The following CLASP2 variants were observed in gnomAD, a reference collection of about 807,000 sequenced individuals.
CLASP2 encodes cytoplasmic linker associated protein 2.
A neutral mutation model predicts 194.4 loss-of-function variants in CLASP2; 47 were observed. The ratio of observed to expected loss-of-function variants is 0.24; its 90% confidence interval spans 0.19 to 0.31. The LOEUF is 0.31. CLASP2 is among the 10% of genes least tolerant of loss of function. CLASP2 has a pLI of 1.00. For missense variants in CLASP2, 1,445 were observed against 1,823.6 expected (o/e 0.79, Z 3.78); for synonymous variants, 619 against 633.5 (o/e 0.98, Z 0.34).
intron 12 of CLASP2, among the ~76,000 whole-genome samples, chr3:33,612,564 T>C (rs145588042): frequency 2.6e-5 from 4 of 152,318 alleles, no homozygotes; most frequent in Non-Finnish European, 5.9e-5. Context: ...AGAATTCAAG[T>C]AGAAGTTCCA....
At chr3:33,706,209 C>A (rs1198963050) in intron 1 of CLASP2, among the ~76,000 whole-genome samples, 1 of 152,072 alleles carries the variant, frequency 6.6e-6, no homozygotes, top group Non-Finnish European at 1.5e-5. Context: ...GATGGTGCCA[C>A]CGCACTCTAA....
At chr3:33,559,707 C>T (rs958661333) in intron 28 of CLASP2, among the ~76,000 whole-genome samples, 1 of 152,048 alleles carries the variant, frequency 6.6e-6, no homozygotes, top group African/African-American at 2.4e-5. Flanking sequence ...CCAGCGTGAC[C>T]AACATGGAGA....
intron 34 of CLASP2, among the ~76,000 whole-genome samples, chr3:33,518,410 A>T (rs2052025158): frequency 6.6e-6 from 1 of 152,256 alleles, no homozygotes; most frequent in Non-Finnish European, 1.5e-5. Context: ...ATGATCAAAT[A>T]CACTATAAAT....
chr3:33,625,679 T>A (rs2077920128), intron 10 of CLASP2, among the ~76,000 whole-genome samples: 1 of 152,156 alleles, frequency 6.6e-6, no homozygotes, highest in South Asian at 2.1e-4. Flanking sequence ...TTTGTTTTTT[T>A]ATTTTTTTTA....
intron 34 of CLASP2, among the ~76,000 whole-genome samples, chr3:33,530,683 C>A (rs1476634746): frequency 6.6e-6 from 1 of 152,106 alleles, no homozygotes; most frequent in Non-Finnish European, 1.5e-5. Flanking sequence ...TTTTTTAGCT[C>A]CATTTTAATC....
chr3:33,550,155 G>T (rs2059772346), intron 30 of CLASP2, among the ~76,000 whole-genome samples: 1 of 152,100 alleles, frequency 6.6e-6, no homozygotes, highest in Non-Finnish European at 1.5e-5. Flanking sequence ...TGTAATCCCA[G>T]CATTTTGGGA....
At chr3:33,671,477 AG>A (rs1171852956) in intron 6 of CLASP2, among the ~76,000 whole-genome samples, 1 of 152,206 alleles carries the variant, frequency 6.6e-6, no homozygotes, top group African/African-American at 2.4e-5. Context: ...ATGGCCGAAT[AG>A]GAACAGCTCT....
At chr3:33,506,370 T>A (rs1373495188) in intron 37 of CLASP2, among the ~76,000 whole-genome samples, 1 of 81,760 alleles carries the variant, frequency 1.2e-5, no homozygotes, top group African/African-American at 8.1e-5. Context: ...AGAGTGAGAC[T>A]CTGTCTCGAA....
chr3:33,622,356 C>G lies in CLASP2; in HGVS notation c.1036-76G>C, dbSNP rs1462079499. 4.4e-6 allele frequency: 5 copies of G among 1,133,412 alleles called. No homozygotes were observed. In the African/African-American group the frequency reaches 4.8e-5, roughly 11 times the overall value. The allele number at this position is 1,133,412 out of a possible 1,614,324, so 70.2% of individuals were successfully genotyped here. ...AAGAAGCTACCTAAACTTCATTATT[C>G]AAACAAAAACTTTCTAATAAATGAA... On this transcript the variant is annotated intron_variant, in intron 10 of 38. Coordinates refer to ENST00000682230, the MANE Select transcript of CLASP2 (RefSeq NM_001365631.1).
In CLASP2 at chr3:33,624,368, AGAG is replaced by A. The variant is rs1395304738; in HGVS notation, c.1036-2091_1036-2089del. Among the ~76,000 whole-genome samples the A allele has an allele frequency of 3.3e-5, 5 of 152,286 alleles. No individual in the cohort carries two copies. The South Asian group carries it at 1.0e-3, about 32-fold the overall frequency. ...TAAGGAAGGGAAAACTATCACAAAC[AGAG>A]GAGAATTTTCAAGTGTCTAAATTAT... On this transcript the variant is annotated intron_variant, in intron 10 of 38. Coordinates refer to ENST00000682230, the MANE Select transcript of CLASP2 (RefSeq NM_001365631.1).
chr3:33,557,695 A>G (rs377382036), intron 29 of CLASP2, among the ~76,000 whole-genome samples: 6 of 152,362 alleles, frequency 3.9e-5, no homozygotes, highest in African/African-American at 1.2e-4. Flanking sequence ...TGGTCATAAA[A>G]TGAGTTAAAA....
intron 37 of CLASP2, among the ~76,000 whole-genome samples, chr3:33,507,821 T>G (rs919375049): frequency 1.3e-5 from 2 of 151,854 alleles, no homozygotes; most frequent in Non-Finnish European, 1.5e-5. Flanking sequence ...TTCAGTGATG[T>G]TAAGATTGGT....
In CLASP2 at chr3:33,718,192, G is replaced by T; in HGVS notation, c.-190C>A. 2.5e-6 allele frequency: 1 copy of T among 402,338 alleles called. No individual in the cohort carries two copies. The highest frequency in any genetic ancestry group is 4.3e-6 in the Non-Finnish European group (1 of 231,050). 24.9% of individuals were successfully genotyped at this position (402,338 alleles called of 1,614,324 possible). ...AGCCGCCCCCAAACTAGTCAAACTC[G>T]GCGCCCCCCGATCCCCAGCCCGCTT... On this transcript the variant is annotated 5_prime_UTR_variant, in exon 1 of 39. Transcript: ENST00000682230.
chr3:33,534,300 A>T (rs972822602), intron 34 of CLASP2, among the ~76,000 whole-genome samples: 1 of 152,188 alleles, frequency 6.6e-6, no homozygotes, highest in Non-Finnish European at 1.5e-5. Context: ...AGTGGCTCAC[A>T]CCTACAATCC....
At chr3:33,513,004 C>T (rs2050356476) in intron 36 of CLASP2, among the ~76,000 whole-genome samples, 1 of 151,810 alleles carries the variant, frequency 6.6e-6, no homozygotes, top group Admixed American at 6.6e-5. Flanking sequence ...ACCAACCAAC[C>T]AACCAACCAA....
chr3:33,551,461 C>A (rs781635238), intron 29 of CLASP2, 66 bp from the exon 30 acceptor site: 138 of 1,443,344 alleles, frequency 9.6e-5, no homozygotes, highest in Middle Eastern at 7.1e-4. Context: ...GAGAACATTT[C>A]AAAAATAATC....
intron 18 of CLASP2, among the ~76,000 whole-genome samples, chr3:33,601,131 T>G (rs2072040736): frequency 6.6e-6 from 1 of 151,974 alleles, no homozygotes; most frequent in African/African-American, 2.4e-5. Context: ...GCTAGTTTTT[T>G]TTGTATTTTT....
intron 13 of CLASP2, 44 bp from the exon 14 acceptor site, chr3:33,608,670 A>G: frequency 7.4e-7 from 1 of 1,348,456 alleles, no homozygotes; most frequent in Middle Eastern, 1.8e-4. Context: ...TGTATTGAGA[A>G]ATACATTAAC....
chr3:33,649,286 A>G (rs1486803362), intron 7 of CLASP2, among the ~76,000 whole-genome samples: 2 of 152,070 alleles, frequency 1.3e-5, no homozygotes, highest in African/African-American at 4.8e-5. Context: ...TGCCTGTGTT[A>G]TTTTTTCCTA....
Sources: allele counts gnomAD v4.1 joint callset (sites outside exome capture counted in the v4.1 genomes callset), GRCh38; gene constraint gnomAD v4.1.1; transcripts MANE v1.5; gene names NCBI Gene and HGNC (gene_info 2026-07-23, HGNC 2026-07-21).